ITGA2B: variants seen among roughly 807,000 people sequenced by gnomAD.
ITGA2B encodes the protein integrin subunit alpha 2b.
Under a neutral mutation model 142.0 loss-of-function variants are expected in ITGA2B, and 91 were observed. That is an observed-to-expected ratio of 0.64 (90% CI 0.54 to 0.76). The LOEUF (loss-of-function observed/expected upper bound fraction) is 0.76, where lower values mean the gene tolerates loss of function less well. Ranked by LOEUF, ITGA2B falls within the 30% of genes least tolerant of loss-of-function variation. ITGA2B has a pLI of 0.00. For missense variants in ITGA2B, 1,231 were observed against 1,350.8 expected (o/e 0.91, Z 1.39); for synonymous variants, 536 against 567.2 (o/e 0.94, Z 0.78).
Position 44,375,952 on chromosome 17 carries a change from G to A in ITGA2B, c.2482C>T (p.Leu828Phe), listed in dbSNP as rs775650840. ...CCCGGAAGGTGGATGCTGAGGTGAA[G>A]ACCATTCACAGTCCCAGGGCCATTG... The part of the protein sequence containing the change: ...HNNGPGTVNG[L>F]HLSIHLPGQS... Residue 828 changes from leucine to phenylalanine, a missense_variant, in exon 25 of 30, where the codon CTT becomes TTT. By Grantham distance (22) the Leu-to-Phe change is conservative (BLOSUM62 0). Coordinates refer to ENST00000262407, the MANE Select transcript of ITGA2B (RefSeq NM_000419.5). 3 of 1,614,106 alleles carry A rather than the reference G, an allele frequency of 1.9e-6. No homozygotes were observed. Among genetic ancestry groups the A allele is most frequent in the Non-Finnish European group, 2.5e-6 (3 of 1,180,014 alleles).
Position 44,374,447 on chromosome 17 carries a change from G to A in ITGA2B, c.2967C>T (p.Ala989=), listed in dbSNP as rs759927351. 3 of 1,614,108 alleles carry A rather than the reference G, an allele frequency of 1.9e-6. No individual in the cohort carries two copies. Among genetic ancestry groups the A allele is most frequent in the South Asian group, 1.1e-5 (1 of 91,080 alleles). Residue 989 remains alanine (A), a synonymous_variant, in exon 29 of 30, where the codon GCC becomes GCT. Coordinates refer to ENST00000262407, the MANE Select transcript of ITGA2B (RefSeq NM_000419.5). ...EAQVWTQLLR[A]LEERAIPIWW... ...AGATTGGAATGGCCCTCTCCTCCAA[G>A]GCCCGGAGCAGCTGTGTCCACACCT...
rs749112044 is a variant in ITGA2B at position 44,384,294 on chromosome 17, G to T, written c.891+17C>A. The stretch of plus-strand genomic sequence containing the variant: ...GGGATAAGGGGCTTCGGGAGGCCCA[G>T]TGGTGGGGGCACTTACCGCTCCCAG... On this transcript the variant is annotated intron_variant, in intron 9 of 29. Transcript: ENST00000262407. 6.2e-7 allele frequency: 1 copy of T among 1,613,026 alleles called. No homozygotes were observed. Among genetic ancestry groups the T allele is most frequent in the South Asian group, 1.1e-5 (1 of 91,080 alleles).
intron 4 of ITGA2B, 29 bp from the exon 5 acceptor site, chr17:44,385,364 G>C (rs2854738): frequency 6.2e-7 from 1 of 1,602,606 alleles, no homozygotes. Flanking sequence ...AGGGGTCAGC[G>C]CAGGGGTGAA....
chr17:44,378,122 A>G (rs2048561020), intron 20 of ITGA2B, among the ~76,000 whole-genome samples: 1 of 152,184 alleles, frequency 6.6e-6, no homozygotes. Context: ...CCAAATGTTA[A>G]CAGAGGTTCC....
chr17:44,380,810 T>A (rs2143463996), intron 13 of ITGA2B, 69 bp downstream of exon 13: 1 of 1,603,136 alleles, frequency 6.2e-7, no homozygotes, highest in East Asian at 2.2e-5. Context: ...TGGCCGTGTC[T>A]CTTGGCACTT....
chr17:44,379,644 A>C (rs201295296), intron 18 of ITGA2B, 45 bp downstream of exon 18: 2 of 1,613,424 alleles, frequency 1.2e-6, no homozygotes, highest in Admixed American at 1.7e-5. Flanking sequence ...CTGATTTGCT[A>C]TCAGGGGTCC....
chr17:44,382,402 C>A (rs909169047), intron 12 of ITGA2B, among the ~76,000 whole-genome samples: 1 of 151,930 alleles, frequency 6.6e-6, no homozygotes, highest in African/African-American at 2.4e-5. Context: ...CCATTCATAC[C>A]TTACCCCATT....
chr17:44,380,088 C>A lies in ITGA2B; in HGVS notation c.1666G>T (p.Gly556Cys). The change falls in exon 17 of 30, where the codon GGC becomes TGC. Residue 556 changes from glycine to cysteine, a missense_variant. Gly to Cys is a radical substitution (Grantham distance 159). Coordinates refer to ENST00000262407, the MANE Select transcript of ITGA2B (RefSeq NM_000419.5). Reference protein sequence around the residue: ...PRQGRRVLLLGSQQAGTTLNL... With the variant: ...PRQGRRVLLLCSQQAGTTLNL... ...AGGGTGGTGCCTGCCTGTTGAGAGC[C>A]CAGCAGCAGCACCCGCCGGCCCTGG... The A allele has an allele frequency of 6.2e-7, 1 of 1,614,006 alleles. No individual in the cohort carries two copies. Among genetic ancestry groups the A allele is most frequent in the Non-Finnish European group, 8.5e-7 (1 of 1,180,006 alleles).
At position 44,377,788 on chromosome 17, in the gene ITGA2B, G is replaced by T. The variant is rs1157955055; in HGVS notation, c.2097C>A (p.Gly699=). The part of the protein sequence containing the change: ...HYMRALSNVE[G]FERLICNQKK... ...TCTGATTACAGATGAGTCTCTCAAA[G>T]CCCTTCAGGAAGGCAGTTCCAAGAA... is the stretch of plus-strand genomic sequence containing the variant. The change falls in exon 21 of 30, where the codon GGC becomes GGA. Residue 699 remains glycine, a splice_region_variant and synonymous_variant. Coordinates refer to ENST00000262407, the MANE Select transcript of ITGA2B (RefSeq NM_000419.5). 6.2e-7 allele frequency: 1 copy of T among 1,600,066 alleles called. No homozygotes were observed. The highest frequency in any genetic ancestry group is 8.5e-7 in the Non-Finnish European group (1 of 1,171,618).
intron 1 of ITGA2B, 40 bp from the exon 2 acceptor site, chr17:44,386,171 C>T (rs778345912): frequency 1.9e-6 from 3 of 1,555,698 alleles, no homozygotes; most frequent in South Asian, 2.3e-5. Context: ...CAGATTCCAG[C>T]GTATCCCAGG....
intron 29 of ITGA2B, 183 bp downstream of exon 29, chr17:44,374,171 G>A: frequency 3.0e-6 from 2 of 670,700 alleles, no homozygotes; most frequent in Admixed American, 2.1e-5. Context: ...CTCCCAAAGT[G>A]CTGGGATTAC....
rs962643819 is a variant in ITGA2B, at chr17:44,384,533, C to G, written c.847+5G>C. ...CCCAACTCCCGCCCTAAGTGGATTT[C>G]TTGCCTGTAGTGTTGAGATCCCCGT... On this transcript the variant is annotated splice_donor_5th_base_variant and intron_variant, in intron 8 of 29. Transcript: ENST00000262407. 2.5e-6 allele frequency: 4 copies of G among 1,614,088 alleles called. No individual in the cohort carries two copies. The highest frequency in any genetic ancestry group is 3.4e-6 in the Non-Finnish European group (4 of 1,180,026).
rs2048558365 is a variant in ITGA2B at position 44,377,793 on chromosome 17, T to G, written c.2095-3A>C. The G allele has an allele frequency of 1.2e-6, 2 of 1,603,260 alleles. No individual in the cohort carries two copies. The highest frequency in any genetic ancestry group is 1.7e-4 in the Middle Eastern group (1 of 6,046). ...TTACAGATGAGTCTCTCAAAGCCCTTCAGGAAGGCAGTTCCAAGAAAGAAA... is the reference window on the plus strand; with the variant it reads ...TTACAGATGAGTCTCTCAAAGCCCTGCAGGAAGGCAGTTCCAAGAAAGAAA... On this transcript the variant is annotated splice_polypyrimidine_tract_variant and splice_region_variant and intron_variant, in intron 20 of 29. Coordinates refer to ENST00000262407, the MANE Select transcript of ITGA2B (RefSeq NM_000419.5).
rs766503255 is a variant in ITGA2B at position 44,372,408 on chromosome 17, G to A, written c.3076C>T (p.Arg1026Trp). The change falls in exon 30 of 30, where the codon CGG becomes TGG. Residue 1026 changes from arginine (R) to tryptophan (W), a missense_variant. This residue lies in a region of ITGA2B where 908 missense variants were observed against 1,021.1 expected (regional missense o/e 0.89). Transcript: ENST00000262407. ...LAMWKVGFFKRNRPPLEEDDE... is the reference protein window; with the variant it reads ...LAMWKVGFFKWNRPPLEEDDE... ...TCTTCTTCCAGGGGTGGCCGGTTCC[G>A]CTTGAAGAAGCCGACCTGGGGGTAC... 3 of 1,613,992 alleles carry A rather than the reference G, an allele frequency of 1.9e-6. No homozygotes were observed. Among genetic ancestry groups the A allele is most frequent in the Non-Finnish European group, 2.5e-6 (3 of 1,179,996 alleles).
At chr17:44,387,601 G>A (rs1427483572) in intron 1 of ITGA2B, among the ~76,000 whole-genome samples, 1 of 151,464 alleles carries the variant, frequency 6.6e-6, no homozygotes, top group Non-Finnish European at 1.5e-5. Context: ...CAAGGCGGGT[G>A]GATCACCTGA....
At position 44,384,297 on chromosome 17, in the gene ITGA2B, G is replaced by T. The variant is rs1477202267; in HGVS notation, c.891+14C>A. 6.2e-7 allele frequency: 1 copy of T among 1,613,052 alleles called. No homozygotes were observed. The highest frequency in any genetic ancestry group is 8.5e-7 in the Non-Finnish European group (1 of 1,179,850). ...ATAAGGGGCTTCGGGAGGCCCAGTG[G>T]TGGGGGCACTTACCGCTCCCAGGGT... On this transcript the variant is annotated intron_variant, in intron 9 of 29. Transcript: ENST00000262407.
chr17:44,388,924 C>T (rs1454746991), intron 1 of ITGA2B, among the ~76,000 whole-genome samples: 1 of 151,800 alleles, frequency 6.6e-6, no homozygotes, highest in African/African-American at 2.4e-5. Context: ...CTCGGCCTCC[C>T]AAAGTGCTGG....
In ITGA2B at chr17:44,389,406, G is replaced by A. The variant is rs201184269; in HGVS notation, c.68C>T (p.Pro23Leu). ...GGCCCAGGCTGGAGGGGCAGCACAA[G>A]GTCCCAAGAGCAGCAGCACCCACTC... The part of the protein sequence containing the change: ...LLEWVLLLLG[P>L]CAAPPAWALN... The change falls in exon 1 of 30, where the codon CCT (proline) becomes CTT (leucine). Residue 23 changes from proline (P) to leucine (L), a missense_variant. This residue lies in a region of ITGA2B where 318 missense variants were observed against 312.2 expected (regional missense o/e 1.02). Coordinates refer to ENST00000262407, the MANE Select transcript of ITGA2B (RefSeq NM_000419.5). 13 of 1,614,212 alleles carry A rather than the reference G, an allele frequency of 8.1e-6. No homozygotes were observed. The Admixed American group carries it at 8.3e-5, about 10-fold the overall frequency.
chr17:44,387,600 T>C (rs1210163506), intron 1 of ITGA2B, among the ~76,000 whole-genome samples: 1 of 148,572 alleles, frequency 6.7e-6, no homozygotes, highest in Non-Finnish European at 1.5e-5. Flanking sequence ...CCAAGGCGGG[T>C]GGATCACCTG....
Sources: allele counts gnomAD v4.1 joint callset (sites outside exome capture counted in the v4.1 genomes callset), GRCh38; gene constraint gnomAD v4.1.1; regional missense constraint gnomAD v4.1.1; transcripts MANE v1.5; gene names NCBI Gene and HGNC (gene_info 2026-07-23, HGNC 2026-07-21).